The following MYO1D variants were observed in gnomAD, a reference collection of about 807,000 sequenced individuals.
MYO1D encodes the protein myosin ID.
In MYO1D, 83 loss-of-function variants were observed where a neutral mutation model predicts 122.0. The ratio of observed to expected loss-of-function variants is 0.68; its 90% CI spans 0.57 to 0.82. MYO1D has a LOEUF of 0.82. Among genes scored for constraint, MYO1D ranks in the 40% least tolerant of loss-of-function variants. The pLI is 0.00. For missense variants in MYO1D, 1,157 were observed against 1,269.5 expected (o/e 0.91, Z 1.35); for synonymous variants, 464 against 446.9 (o/e 1.04, Z -0.48).
rs1259609820 is a variant in MYO1D, at chr17:32,767,639, G to A, written c.828C>T (p.His276=). ...TCTGAGAGGTGTCCCTACTCACCAA[G>A]TGCAGAATAGCAGCCAAAATCTTAT... The part of the protein sequence containing the change: ...TVYKILAAIL[H]LGNLKFVVDG... The change falls in exon 7 of 22, where the codon CAC becomes CAT. Residue 276 remains histidine, a synonymous_variant. Transcript: ENST00000318217. 6.3e-7 allele frequency: 1 copy of A among 1,595,906 alleles called. No individual in the cohort carries two copies. Among genetic ancestry groups the A allele is most frequent in the East Asian group, 2.2e-5 (1 of 44,756 alleles).
At chr17:32,577,174 C>T (rs1467289122) in intron 21 of MYO1D, among the ~76,000 whole-genome samples, 1 of 146,718 alleles carries the variant, frequency 6.8e-6, no homozygotes, top group Admixed American at 6.7e-5. Context: ...TCACTTGAAC[C>T]CGGGAGGCGG....
At position 32,638,823 on chromosome 17, in the gene MYO1D, T is replaced by G; in HGVS notation, c.2608A>C (p.Ser870Arg). 6.2e-7 allele frequency: 1 copy of G among 1,610,658 alleles called. No homozygotes were observed. The highest frequency in any genetic ancestry group is 8.5e-7 in the Non-Finnish European group (1 of 1,176,910). ...SCHVRKVNRF[S>R]KVEDRAIFVT... ...AAAATTGCTCTGTCTTCCACCTTAC[T>G]AAATCGATTTACCTGTAAGAGAACA... Residue 870 changes from serine to arginine, a missense_variant, in exon 20 of 22, where the codon AGT becomes CGT. Physicochemically the swap from Ser to Arg is moderately radical, Grantham distance 110. Coordinates refer to ENST00000318217, the MANE Select transcript of MYO1D (RefSeq NM_015194.3).
At chr17:32,578,868 T>C (rs531753142) in intron 21 of MYO1D, among the ~76,000 whole-genome samples, 62 of 152,264 alleles carry the variant, frequency 4.1e-4, no homozygotes, top group Admixed American at 6.5e-4. Flanking sequence ...TCACTCTACA[T>C]GTTTCCTTGA....
Position 32,780,562 on chromosome 17 carries a change from T to G in MYO1D, c.304+14A>C, listed in dbSNP as rs1224923741. The G allele has an allele frequency of 6.2e-7, 1 of 1,610,478 alleles. No homozygotes were observed. The highest frequency in any genetic ancestry group is 1.4e-5 in the African/African-American group (1 of 73,710). On this transcript the variant is annotated intron_variant, in intron 2 of 21. Coordinates refer to ENST00000318217, the MANE Select transcript of MYO1D (RefSeq NM_015194.3). ...ATTGTGACTTTGGAAATACAGGGGA[T>G]CCCCTCCAATTACCTGATATCACAA...
At chr17:32,757,221 C>A (rs2089957215) in intron 10 of MYO1D, among the ~76,000 whole-genome samples, 1 of 152,104 alleles carries the variant, frequency 6.6e-6, no homozygotes, top group Admixed American at 6.6e-5. Flanking sequence ...TGGACTGAAA[C>A]CTGTAAACTG....
intron 21 of MYO1D, among the ~76,000 whole-genome samples, chr17:32,549,862 C>A (rs1435985957): frequency 6.6e-6 from 1 of 152,142 alleles, no homozygotes; most frequent in Non-Finnish European, 1.5e-5. Context: ...CTTTTGTATC[C>A]TCACAGACAC....
chr17:32,788,988 GTTTT>G (rs962861408), intron 1 of MYO1D, among the ~76,000 whole-genome samples: 1 of 139,880 alleles, frequency 7.1e-6, no homozygotes, highest in African/African-American at 2.6e-5. Flanking sequence ...ATATTCCTAA[GTTTT>G]TTTGTTTTTT....
chr17:32,831,082 G>T (rs1175581041), intron 1 of MYO1D, among the ~76,000 whole-genome samples: 2 of 151,948 alleles, frequency 1.3e-5, no homozygotes, highest in African/African-American at 2.4e-5. Flanking sequence ...TGACATGAGT[G>T]CAAAAAGCAG....
chr17:32,836,164 A>G (rs1482743457), intron 1 of MYO1D, among the ~76,000 whole-genome samples: 2 of 152,204 alleles, frequency 1.3e-5, no homozygotes, highest in Non-Finnish European at 2.9e-5. Flanking sequence ...ATTGCAACAT[A>G]TAATATTTTT....
At chr17:32,780,857 C>G in intron 1 of MYO1D, 73 bp from the exon 2 acceptor site, 1 of 1,436,472 alleles carries the variant, frequency 7.0e-7, no homozygotes, top group Non-Finnish European at 9.7e-7. Context: ...CTGTGAGTCT[C>G]TTATTTCCAA....
chr17:32,612,378 G>A (rs975461703), intron 20 of MYO1D, among the ~76,000 whole-genome samples: 5 of 152,010 alleles, frequency 3.3e-5, no homozygotes, highest in Non-Finnish European at 7.4e-5. Flanking sequence ...TTTAAGAAAG[G>A]GTGTGTTGAC....
chr17:32,675,348 T>C (rs2150962882), intron 16 of MYO1D, among the ~76,000 whole-genome samples: 1 of 152,334 alleles, frequency 6.6e-6, no homozygotes, highest in South Asian at 2.1e-4. Context: ...TAATTAATCA[T>C]GTTACATTCA....
intron 16 of MYO1D, among the ~76,000 whole-genome samples, chr17:32,679,474 A>T (rs1028688671): frequency 2.0e-5 from 3 of 152,106 alleles, no homozygotes; most frequent in African/African-American, 7.2e-5. Flanking sequence ...AGCTTCCTAC[A>T]TATGGCTAGC....
chr17:32,822,078 T>C (rs111630279), intron 1 of MYO1D, among the ~76,000 whole-genome samples: 104 of 152,304 alleles, frequency 6.8e-4, no homozygotes, highest in African/African-American at 2.3e-3. Flanking sequence ...TGCACACATA[T>C]GTTTATTGTG....
At chr17:32,652,436 A>G (rs767986521) in intron 19 of MYO1D, among the ~76,000 whole-genome samples, 1 of 152,154 alleles carries the variant, frequency 6.6e-6, no homozygotes, top group Non-Finnish European at 1.5e-5. Context: ...TAATTCTTTG[A>G]TAATTTTCTT....
Position 32,605,260 on chromosome 17 carries a change from TG to T in MYO1D, c.2710-20del. 6.5e-7 allele frequency: 1 copy of T among 1,539,744 alleles called. No individual in the cohort carries two copies. The highest frequency in any genetic ancestry group is 8.8e-7 in the Non-Finnish European group (1 of 1,130,710). Reference sequence around the variant, plus strand: ...CAGTCAACTGCAAAGAGAAAATGCATGGAAAACTATTTGGATCATTCTCAAA... The same window carrying T: ...CAGTCAACTGCAAAGAGAAAATGCATGAAAACTATTTGGATCATTCTCAAA... On this transcript the variant is annotated intron_variant, in intron 20 of 21. Coordinates refer to ENST00000318217, the MANE Select transcript of MYO1D (RefSeq NM_015194.3).
intron 20 of MYO1D, among the ~76,000 whole-genome samples, chr17:32,632,779 A>T (rs1363963844): frequency 6.6e-6 from 1 of 152,078 alleles, no homozygotes; most frequent in East Asian, 1.9e-4. Flanking sequence ...GTATCTGGGA[A>T]TTTATTGTAA....
intron 21 of MYO1D, among the ~76,000 whole-genome samples, chr17:32,604,458 A>T (rs1386182442): frequency 6.6e-6 from 1 of 152,246 alleles, no homozygotes; most frequent in East Asian, 1.9e-4. Flanking sequence ...CCAATAAATA[A>T]CCAGACAAAA....
chr17:32,762,229 G>C (rs1463273632), intron 8 of MYO1D, among the ~76,000 whole-genome samples: 4 of 152,070 alleles, frequency 2.6e-5, no homozygotes, highest in African/African-American at 9.7e-5. Context: ...AGGAGAAAGG[G>C]ATCAGGATAA....
Sources: gnomAD v4.1 joint callset for allele counts (sites outside exome capture counted in the v4.1 genomes callset) on GRCh38, gnomAD v4.1.1 for gene constraint, MANE v1.5 for transcripts, NCBI Gene and HGNC (gene_info 2026-07-23, HGNC 2026-07-21) for gene names.